The following TANGO6 variants were observed in gnomAD, a reference collection of about 807,000 sequenced individuals.
TANGO6 encodes the protein transport and Golgi organization protein 6 homolog.
TANGO6 carries 90 observed loss-of-function variants against 114.2 expected under a neutral mutation model. The observed-to-expected ratio is 0.79, with a 90% CI of 0.66 to 0.94. The LOEUF is 0.94. Among genes scored for constraint, TANGO6 ranks in the 40% least tolerant of loss-of-function variants. The pLI, the probability that TANGO6 is intolerant of heterozygous loss-of-function variation, is 0.00. For synonymous variants in TANGO6, 477 were observed against 509.8 expected, an observed-to-expected ratio of 0.94 and a Z score of 0.87; for missense variants, 1,274 against 1,315.3, an observed-to-expected ratio of 0.97 and a Z score of 0.49.
Position 68,909,213 on chromosome 16 carries a change from G to A in TANGO6, c.1803G>A (p.Glu601=), listed in dbSNP as rs746864896. 9.0e-6 allele frequency: 14 copies of A among 1,560,498 alleles called. No individual in the cohort carries two copies. The highest frequency in any genetic ancestry group is 1.9e-5 in the Admixed American group (1 of 53,292). Residue 601 remains glutamate (E), a splice_region_variant and synonymous_variant, in exon 11 of 18, where the codon GAG becomes GAA. Transcript: ENST00000261778. The part of the protein sequence containing the change: ...AGDFFIFCLK[E]LTHVASENET... Reference sequence around the variant, plus strand: ...TTTCTTTCCTGCCATGCTTGTAGGAGTTGACTCATGTGGCCTCGGAAAATG... The same window carrying A: ...TTTCTTTCCTGCCATGCTTGTAGGAATTGACTCATGTGGCCTCGGAAAATG...
intron 15 of TANGO6, among the ~76,000 whole-genome samples, chr16:68,981,630 A>G (rs1010523163): frequency 6.6e-6 from 1 of 152,192 alleles, no homozygotes; most frequent in Non-Finnish European, 1.5e-5. Flanking sequence ...TACTTGGCAA[A>G]TTGAATTAAA....
chr16:69,021,607 C>T (rs2152227760), intron 15 of TANGO6, among the ~76,000 whole-genome samples: 1 of 152,280 alleles, frequency 6.6e-6, no homozygotes, highest in South Asian at 2.1e-4. Context: ...TTAGCACATA[C>T]TAGGCCTCTC....
intron 15 of TANGO6, among the ~76,000 whole-genome samples, chr16:68,979,825 G>T (rs982111745): frequency 2.0e-5 from 3 of 151,244 alleles, no homozygotes; most frequent in African/African-American, 7.3e-5. Flanking sequence ...TTTTCATTAG[G>T]GTATCAATTT....
chr16:68,866,978 T>G, intron 3 of TANGO6, 101 bp from the exon 4 acceptor site: 1 of 241,404 alleles, frequency 4.1e-6, no homozygotes, highest in Non-Finnish European at 6.6e-6. Context: ...ATTTCTCCTT[T>G]TTTTTTTTTT....
At chr16:68,900,669 A>G in intron 8 of TANGO6, 123 bp downstream of exon 8, 1 of 812,174 alleles carries the variant, frequency 1.2e-6, no homozygotes, top group Non-Finnish European at 1.9e-6. Context: ...CAAAGTCAGG[A>G]AAACACTGGG....
chr16:69,062,786 T>TAAAA (rs1226491112), intron 17 of TANGO6, among the ~76,000 whole-genome samples: 1 of 104,166 alleles, frequency 9.6e-6, no homozygotes, highest in African/African-American at 3.3e-5. Context: ...AAAAAGAAAT[T>TAAAA]TAAAAAAAAA....
chr16:68,894,326 T>G (rs1177167914), intron 7 of TANGO6, among the ~76,000 whole-genome samples: 2 of 152,104 alleles, frequency 1.3e-5, no homozygotes, highest in Non-Finnish European at 1.5e-5. Flanking sequence ...GGATATCAGG[T>G]GCAGACTGAA....
intron 15 of TANGO6, among the ~76,000 whole-genome samples, chr16:68,994,316 C>CT (rs1219676379): frequency 6.6e-6 from 1 of 152,178 alleles, no homozygotes; most frequent in African/African-American, 2.4e-5. Flanking sequence ...TTTTGCAAGT[C>CT]TAAGTGTAAA....
chr16:68,999,059 T>G (rs954998464), intron 15 of TANGO6, among the ~76,000 whole-genome samples: 1 of 151,940 alleles, frequency 6.6e-6, no homozygotes, highest in African/African-American at 2.4e-5. Flanking sequence ...ATTTTTGTAT[T>G]TTTTAGAAAA....
At chr16:69,004,061 A>G (rs547019693) in intron 15 of TANGO6, among the ~76,000 whole-genome samples, 1 of 152,248 alleles carries the variant, frequency 6.6e-6, no homozygotes, top group South Asian at 2.1e-4. Context: ...CATTTTACAT[A>G]CAGAATTATA....
At chr16:68,875,604 T>G (rs1267974440) in intron 5 of TANGO6, among the ~76,000 whole-genome samples, 4 of 151,672 alleles carry the variant, frequency 2.6e-5, no homozygotes, top group Non-Finnish European at 5.9e-5. Context: ...CCGTCTCTAC[T>G]AAAAAAAATA....
At chr16:68,946,571 T>C (rs1230665191) in intron 14 of TANGO6, among the ~76,000 whole-genome samples, 2 of 152,090 alleles carry the variant, frequency 1.3e-5, no homozygotes, top group Non-Finnish European at 2.9e-5. Context: ...CACTGTGGCC[T>C]TGATATCCCC....
At position 68,911,014 on chromosome 16, in the gene TANGO6, TAAAG is replaced by T. The variant is rs1385929959; in HGVS notation, c.1992+1616_1992+1619del. On this transcript the variant is annotated intron_variant, in intron 11 of 17. Transcript: ENST00000261778. The stretch of plus-strand genomic sequence containing the variant: ...TTGTTTTGAAACACACACATATAGA[TAAAG>T]AAAATAAGTTAATGTAATTTTGTGA... Among the ~76,000 whole-genome samples the T allele has an allele frequency of 2.0e-5, 3 of 152,230 alleles. No homozygotes were observed. In the East Asian group the frequency reaches 5.8e-4, roughly 29 times the overall value.
chr16:68,946,582 A>G (rs1332086688), intron 14 of TANGO6, among the ~76,000 whole-genome samples: 1 of 152,062 alleles, frequency 6.6e-6, no homozygotes, highest in Non-Finnish European at 1.5e-5. Flanking sequence ...TGATATCCCC[A>G]GGCTTACTAC....
At chr16:69,072,071 A>G (rs1205689424) in intron 17 of TANGO6, among the ~76,000 whole-genome samples, 4 of 95,048 alleles carry the variant, frequency 4.2e-5, no homozygotes, top group Middle Eastern at 5.3e-3. Context: ...GTGTGTGTAG[A>G]GAGAGGGAGA....
chr16:68,887,768 A>C lies in TANGO6; in HGVS notation c.1377+7138A>C, dbSNP rs1428905122. On this transcript the variant is annotated intron_variant, in intron 7 of 17. Coordinates refer to ENST00000261778, the MANE Select transcript of TANGO6 (RefSeq NM_024562.2). ...GTGGCTCGTGCCTGTAATCCTACCTACTTGGGAGGCTGAGGCAGGAGAATC... is the reference window on the plus strand; with the variant it reads ...GTGGCTCGTGCCTGTAATCCTACCTCCTTGGGAGGCTGAGGCAGGAGAATC... 2.6e-5 allele frequency among the ~76,000 whole-genome samples: 4 copies of C among 152,154 alleles called. No individual in the cohort carries two copies. In the East Asian group the frequency reaches 7.7e-4, roughly 29 times the overall value.
At chr16:69,060,764 C>T (rs1247465840) in intron 17 of TANGO6, among the ~76,000 whole-genome samples, 5 of 151,894 alleles carry the variant, frequency 3.3e-5, no homozygotes, top group African/African-American at 7.3e-5. Context: ...GAGGCCGAGG[C>T]GGGAGGATCA....
intron 14 of TANGO6, among the ~76,000 whole-genome samples, chr16:68,955,388 C>T (rs1183918989): frequency 1.3e-5 from 2 of 152,222 alleles, no homozygotes; most frequent in African/African-American, 4.8e-5. Context: ...CGGGATATAT[C>T]TGTCCAGATG....
chr16:69,010,394 C>T (rs1964133258), intron 15 of TANGO6, among the ~76,000 whole-genome samples: 1 of 152,174 alleles, frequency 6.6e-6, no homozygotes, highest in African/African-American at 2.4e-5. Flanking sequence ...AAAGCATTAT[C>T]AGCTCTGCAT....
Sources: gnomAD v4.1 joint callset for allele counts (sites outside exome capture counted in the v4.1 genomes callset) on GRCh38, gnomAD v4.1.1 for gene constraint, MANE v1.5 for transcripts, NCBI Gene and HGNC (gene_info 2026-07-23, HGNC 2026-07-21) for gene names.